Variants in VCAN observed in about 807,000 individuals in gnomAD.
VCAN encodes versican core protein.
VCAN carries 44 observed loss-of-function variants against 245.5 expected under a neutral mutation model. That is an observed-to-expected ratio of 0.18 (90% CI 0.14 to 0.23). The LOEUF is 0.23. Among genes scored for constraint, VCAN ranks in the 10% least tolerant of loss-of-function variants. The pLI, the probability that VCAN is intolerant of heterozygous loss-of-function variation, is 1.00. For synonymous variants in VCAN, 1,413 were observed against 1,437.0 expected (o/e 0.98, Z 0.38); for missense variants, 3,793 against 4,057.9 (o/e 0.93, Z 1.77).
At position 83,539,030 on chromosome 5, in the gene VCAN, G is replaced by A. The variant is rs1746847419; in HGVS notation, c.6027G>A (p.Glu2009=). 1 of 1,613,986 alleles carries A rather than the reference G, an allele frequency of 6.2e-7. No individual in the cohort carries two copies. The highest frequency in any genetic ancestry group is 8.5e-7 in the Non-Finnish European group (1 of 1,179,960). Residue 2009 remains glutamate (E), a synonymous_variant, in exon 8 of 15, where the codon GAG becomes GAA. Transcript: ENST00000265077. ...GGGAAGAGTTTACATCCTCAGCTGA[G>A]GGCTCAGGTGAGCAACTGGTCACAG... ...FPWEEFTSSA[E]GSGEQLVTVS...
At chr5:83,557,314 C>G (rs2112476052) in intron 12 of VCAN, among the ~76,000 whole-genome samples, 1 of 152,156 alleles carries the variant, frequency 6.6e-6, no homozygotes, top group Non-Finnish European at 1.5e-5. Context: ...GATGTTTATT[C>G]TGGTCTCTCC....
chr5:83,502,734 T>C (rs1238006256), intron 5 of VCAN, among the ~76,000 whole-genome samples: 1 of 152,086 alleles, frequency 6.6e-6, no homozygotes. Context: ...TAACTGACTA[T>C]CATAGTAGAC....
chr5:83,537,541 G>T lies in VCAN; in HGVS notation c.4538G>T (p.Gly1513Val). Reference protein sequence around the residue: ...TVPFHEEFESGTAKKGAESVT... With the variant: ...TVPFHEEFESVTAKKGAESVT... ...CCATTCCATGAGGAATTTGAAAGTG[G>T]AACAGCCAAAAAAGGGGCAGAATCA... is the stretch of plus-strand genomic sequence containing the variant. The change falls in exon 8 of 15, where the codon GGA becomes GTA. Residue 1513 changes from glycine to valine, a missense_variant. By Grantham distance (109) the Gly-to-Val change is moderately radical (BLOSUM62 -3). Transcript: ENST00000265077. The T allele has an allele frequency of 6.2e-7, 1 of 1,613,796 alleles. No individual in the cohort carries two copies. The highest frequency in any genetic ancestry group is 8.5e-7 in the Non-Finnish European group (1 of 1,179,896).
At chr5:83,565,154 C>A (rs758401444) in intron 12 of VCAN, among the ~76,000 whole-genome samples, 1 of 152,032 alleles carries the variant, frequency 6.6e-6, no homozygotes, top group Non-Finnish European at 1.5e-5. Context: ...TGAACTGTAC[C>A]CAATGACTGG....
intron 7 of VCAN, among the ~76,000 whole-genome samples, chr5:83,530,452 T>A (rs1396263295): frequency 6.6e-6 from 1 of 152,078 alleles, no homozygotes; most frequent in Non-Finnish European, 1.5e-5. Context: ...GTCCAGACAG[T>A]GTTCAGAACT....
At chr5:83,502,013 G>C (rs1745343511) in intron 5 of VCAN, among the ~76,000 whole-genome samples, 1 of 151,992 alleles carries the variant, frequency 6.6e-6, no homozygotes, top group African/African-American at 2.4e-5. Flanking sequence ...CAGTTCTTTT[G>C]TTAAATTTAC....
intron 12 of VCAN, among the ~76,000 whole-genome samples, chr5:83,569,695 T>C (rs1274450723): frequency 6.6e-6 from 1 of 152,106 alleles, no homozygotes; most frequent in Non-Finnish European, 1.5e-5. Context: ...ATTTTCCACC[T>C]TTGAGGACAT....
intron 5 of VCAN, among the ~76,000 whole-genome samples, chr5:83,495,682 G>A (rs1457358209): frequency 6.6e-6 from 1 of 152,144 alleles, no homozygotes; most frequent in African/African-American, 2.4e-5. Flanking sequence ...ATCTACAAGG[G>A]TGATAGTTAT....
chr5:83,509,345 G>A (rs1356721956), intron 5 of VCAN, among the ~76,000 whole-genome samples: 1 of 152,168 alleles, frequency 6.6e-6, no homozygotes, highest in Non-Finnish European at 1.5e-5. Flanking sequence ...TAACAGGCCA[G>A]CACCTACTGA....
intron 6 of VCAN, 22 bp downstream of exon 6, chr5:83,512,418 A>T (rs1256471155): frequency 6.2e-7 from 1 of 1,610,462 alleles, no homozygotes; most frequent in Non-Finnish European, 8.5e-7. Flanking sequence ...ATACCTTTTT[A>T]AAAATTACAG....
intron 7 of VCAN, among the ~76,000 whole-genome samples, chr5:83,528,867 G>A (rs982097178): frequency 6.6e-6 from 1 of 151,906 alleles, no homozygotes; most frequent in Non-Finnish European, 1.5e-5. Context: ...TGGACCCAGG[G>A]ATTTCTCAAT....
intron 9 of VCAN, among the ~76,000 whole-genome samples, chr5:83,546,589 C>T (rs1192652619): frequency 1.8e-5 from 2 of 108,874 alleles, no homozygotes; most frequent in Non-Finnish European, 3.9e-5. Context: ...AACCTCACCT[C>T]TGCAAAAAAA....
chr5:83,538,485 C>T lies in VCAN; in HGVS notation c.5482C>T (p.Pro1828Ser), dbSNP rs886060823. The change falls in exon 8 of 15, where the codon CCT becomes TCT. Residue 1828 changes from proline to serine, a missense_variant. Transcript: ENST00000265077. ...QEGLTTLPRSPASVFMEQGSG... is the reference protein window; with the variant it reads ...QEGLTTLPRSSASVFMEQGSG... Reference sequence around the variant, plus strand: ...AGGGCTGACCACTCTCCCACGTAGTCCTGCCTCTGTCTTTATGGAGCAGGG... The same window carrying T: ...AGGGCTGACCACTCTCCCACGTAGTTCTGCCTCTGTCTTTATGGAGCAGGG... 21 of 1,613,858 alleles carry T rather than the reference C, an allele frequency of 1.3e-5. No homozygotes were observed. Among genetic ancestry groups the T allele is most frequent in the Middle Eastern group, 3.3e-4 (2 of 6,082 alleles).
chr5:83,581,720 G>A lies in VCAN; in HGVS notation c.*1286G>A, dbSNP rs74337761. The stretch of plus-strand genomic sequence containing the variant: ...ATAGTGTGGGCATTTCTTCCTGTTA[G>A]GTGGAGTGTATGTGTTGACATTTCT... On this transcript the variant is annotated 3_prime_UTR_variant, in exon 15 of 15. Transcript: ENST00000265077. The A allele has an allele frequency of 2.0e-5, 3 of 152,238 alleles. No individual in the cohort carries two copies. Among genetic ancestry groups the A allele is most frequent in the African/African-American group, 7.2e-5 (3 of 41,548 alleles). 9.4% of individuals were successfully genotyped at this position (152,238 alleles called of 1,614,324 possible).
intron 6 of VCAN, among the ~76,000 whole-genome samples, chr5:83,516,739 AT>A (rs1236731148): frequency 1.3e-5 from 2 of 152,408 alleles, no homozygotes; most frequent in East Asian, 1.9e-4. Flanking sequence ...CACTGTTAGA[AT>A]AATCTGGAAT....
intron 1 of VCAN, among the ~76,000 whole-genome samples, chr5:83,476,002 G>A (rs777891739): frequency 1.6e-4 from 24 of 152,198 alleles, no homozygotes; most frequent in Non-Finnish European, 2.9e-4. Flanking sequence ...CAAACTGGAG[G>A]GAGATGCCTT....
chr5:83,581,274 T>C lies in VCAN; in HGVS notation c.*840T>C, dbSNP rs1213981706. ...CCGATCAATGCATTTCATACGGATA[T>C]AGACCTAGGGCTCTGGAGGGTGGGG... On this transcript the variant is annotated 3_prime_UTR_variant, in exon 15 of 15. Transcript: ENST00000265077. 4 of 137,752 alleles carry C rather than the reference T, an allele frequency of 2.9e-5. No homozygotes were observed. The highest frequency in any genetic ancestry group is 1.1e-4 in the African/African-American group (4 of 34,868). The allele number at this position is 137,752 out of a possible 1,614,324, so 8.5% of individuals were successfully genotyped here.
rs1368254947 is a variant in VCAN at position 83,520,819 on chromosome 5, G to A, written c.2513G>A (p.Gly838Glu). 3.7e-6 allele frequency: 6 copies of A among 1,613,984 alleles called. No homozygotes were observed. The change falls in exon 7 of 15, where the codon GGA becomes GAA. Residue 838 changes from glycine to glutamate, a missense_variant. By Grantham distance (98) the Gly-to-Glu change is moderately conservative. Around this residue, in one of 5 missense-constraint regions of VCAN, gnomAD observed 3,182 missense variants for 3,250.3 expected, o/e 0.98. Coordinates refer to ENST00000265077, the MANE Select transcript of VCAN (RefSeq NM_004385.5). Reference sequence around the variant, plus strand: ...TTACTCACAACTGTGGGGATGAATGGAAAGGATAAAGACATCCCAAGTTTC... The same window carrying A: ...TTACTCACAACTGTGGGGATGAATGAAAAGGATAAAGACATCCCAAGTTTC... ...PALLTTVGMN[G>E]KDKDIPSFTE... is the part of the protein sequence containing the mutation.
Position 83,526,773 on chromosome 5 carries a change from A to G in VCAN, c.4003+4464A>G, listed in dbSNP as rs939916150. ...TATTGTTTCAATCTTATTGATGCCT[A>G]TGTGTCATCAAGATAATATATAATG... On this transcript the variant is annotated intron_variant, in intron 7 of 14. Coordinates refer to ENST00000265077, the MANE Select transcript of VCAN (RefSeq NM_004385.5). Among the ~76,000 whole-genome samples the G allele has an allele frequency of 6.6e-5, 10 of 152,340 alleles. No individual in the cohort carries two copies. The South Asian group carries it at 8.3e-4, about 13-fold the overall frequency.
Sources: allele counts gnomAD v4.1 joint callset (sites outside exome capture counted in the v4.1 genomes callset), GRCh38; gene constraint gnomAD v4.1.1; regional missense constraint gnomAD v4.1.1; transcripts MANE v1.5; gene names NCBI Gene and HGNC (gene_info 2026-07-23, HGNC 2026-07-21).